ATRNL1: variants seen among roughly 807,000 people sequenced by gnomAD.
The protein encoded by ATRNL1 is attractin-like protein 1.
ATRNL1 carries 95 observed loss-of-function variants against 182.7 expected under a neutral mutation model. That is an observed-to-expected ratio of 0.52 (90% CI 0.44 to 0.62). The LOEUF (loss-of-function observed/expected upper bound fraction) is 0.62, where lower values mean the gene tolerates loss of function less well. ATRNL1 is among the 20% of genes least tolerant of loss of function. The pLI, the probability that ATRNL1 is intolerant of heterozygous loss-of-function variation, is 0.00. For missense variants in ATRNL1, 1,471 were observed against 1,679.5 expected (o/e 0.88, Z 2.17); for synonymous variants, 576 against 568.3 (o/e 1.01, Z -0.19).
At chr10:115,110,591 T>C (rs1554867656) in intron 1 of ATRNL1, among the ~76,000 whole-genome samples, 1 of 152,188 alleles carries the variant, frequency 6.6e-6, no homozygotes, top group Non-Finnish European at 1.5e-5. Context: ...TATAGGGACT[T>C]CTGTCCTATA....
chr10:115,878,754 A>G (rs972529274), intron 28 of ATRNL1, among the ~76,000 whole-genome samples: 12 of 152,232 alleles, frequency 7.9e-5, no homozygotes, highest in African/African-American at 2.9e-4. Context: ...CGTTAATACC[A>G]TGTAATACTA....
chr10:115,191,546 G>A (rs1187520742), intron 8 of ATRNL1, among the ~76,000 whole-genome samples: 2 of 151,968 alleles, frequency 1.3e-5, no homozygotes, highest in African/African-American at 4.8e-5. Context: ...CAATTGAATT[G>A]TAATCCCCAT....
At chr10:115,529,513 A>T (rs1366519780) in intron 25 of ATRNL1, among the ~76,000 whole-genome samples, 6 of 129,312 alleles carry the variant, frequency 4.6e-5, no homozygotes, top group Admixed American at 1.5e-4. Context: ...GCTTCTTATT[A>T]ATTGAATGAG....
At chr10:115,763,605 G>C (rs1419118268) in intron 27 of ATRNL1, among the ~76,000 whole-genome samples, 1 of 152,134 alleles carries the variant, frequency 6.6e-6, no homozygotes, top group Non-Finnish European at 1.5e-5. Context: ...TGGGCACAAA[G>C]ATTCTGAATT....
At chr10:115,355,532 A>G (rs1429969668) in intron 19 of ATRNL1, among the ~76,000 whole-genome samples, 2 of 152,106 alleles carry the variant, frequency 1.3e-5, no homozygotes, top group African/African-American at 4.8e-5. Context: ...GAGTTGGGGA[A>G]CGGGTGGCAT....
At chr10:115,689,635 C>A (rs945584930) in intron 26 of ATRNL1, among the ~76,000 whole-genome samples, 3 of 152,138 alleles carry the variant, frequency 2.0e-5, no homozygotes, top group Non-Finnish European at 4.4e-5. Flanking sequence ...TAGGTGGCTG[C>A]TTGCTTGGAT....
intron 15 of ATRNL1, among the ~76,000 whole-genome samples, chr10:115,297,643 T>G (rs1276011854): frequency 8.6e-6 from 1 of 116,804 alleles, no homozygotes; most frequent in Admixed American, 1.0e-4. Flanking sequence ...AGAGTAAGAC[T>G]CCGTCTTAAA....
At chr10:115,879,214 A>G (rs1951767811) in intron 28 of ATRNL1, among the ~76,000 whole-genome samples, 1 of 148,788 alleles carries the variant, frequency 6.7e-6, no homozygotes, top group African/African-American at 2.5e-5. Context: ...GGCTGAAGTT[A>G]GAGAATTGCT....
intron 1 of ATRNL1, among the ~76,000 whole-genome samples, chr10:115,109,887 A>T (rs900432959): frequency 6.6e-6 from 1 of 152,192 alleles, no homozygotes; most frequent in Admixed American, 6.5e-5. Flanking sequence ...TATGTTTAGC[A>T]TATTTAGAGA....
At chr10:115,131,396 G>T (rs903318364) in intron 5 of ATRNL1, among the ~76,000 whole-genome samples, 5 of 152,016 alleles carry the variant, frequency 3.3e-5, no homozygotes, top group Admixed American at 3.3e-4. Context: ...GTTTGAAGGA[G>T]GCCTTGTAAA....
At chr10:115,161,096 T>C (rs1453482680) in intron 6 of ATRNL1, among the ~76,000 whole-genome samples, 2 of 152,110 alleles carry the variant, frequency 1.3e-5, no homozygotes, top group South Asian at 2.1e-4. Context: ...AACAAAAAAT[T>C]GTTTGTTGTT....
At chr10:115,925,049 G>A (rs1953182120) in intron 28 of ATRNL1, among the ~76,000 whole-genome samples, 1 of 152,056 alleles carries the variant, frequency 6.6e-6, no homozygotes, top group Non-Finnish European at 1.5e-5. Flanking sequence ...CCCCCTGCTT[G>A]TCTGTTGTTG....
chr10:115,425,146 T>A (rs1213984893), intron 20 of ATRNL1, among the ~76,000 whole-genome samples: 1 of 152,044 alleles, frequency 6.6e-6, no homozygotes, highest in Admixed American at 6.6e-5. Context: ...GCATTGGGAA[T>A]GTAATCTGAT....
intron 27 of ATRNL1, among the ~76,000 whole-genome samples, chr10:115,771,045 T>G (rs1233860605): frequency 6.6e-6 from 1 of 152,100 alleles, no homozygotes; most frequent in Admixed American, 6.6e-5. Flanking sequence ...ACGTCAAATG[T>G]AGAAATTGAA....
At chr10:115,177,906 T>C (rs1554887078) in intron 8 of ATRNL1, among the ~76,000 whole-genome samples, 2 of 139,222 alleles carry the variant, frequency 1.4e-5, no homozygotes, top group East Asian at 2.0e-4. Flanking sequence ...TTTTTTTGTT[T>C]TTTTTGTTTT....
chr10:115,250,298 G>C (rs1350094967), intron 10 of ATRNL1, among the ~76,000 whole-genome samples: 1 of 152,252 alleles, frequency 6.6e-6, no homozygotes, highest in Non-Finnish European at 1.5e-5. Context: ...TCTGGACCCA[G>C]TGGCATGGCA....
At position 115,171,068 on chromosome 10, in the gene ATRNL1, A is replaced by G; in HGVS notation, c.1124A>G (p.Glu375Gly). ...ENIFMYGGRI[E>G]TNDGNVTDEL... Reference sequence around the variant, plus strand: ...ATCTTTATGTATGGAGGCAGAATTGAAACAAATGATGGCAATGTCACAGAT... The same window carrying G: ...ATCTTTATGTATGGAGGCAGAATTGGAACAAATGATGGCAATGTCACAGAT... The change falls in exon 8 of 29, where the codon GAA (glutamate) becomes GGA (glycine). Residue 375 changes from glutamate (E) to glycine (G), a missense_variant. Glu to Gly is a moderately conservative substitution (Grantham distance 98). Around this residue, in one of 3 missense-constraint regions of ATRNL1, gnomAD observed 1,031 missense variants for 1,156.0 expected, o/e 0.89. Coordinates refer to ENST00000355044, the MANE Select transcript of ATRNL1 (RefSeq NM_207303.4). The G allele has an allele frequency of 6.3e-7, 1 of 1,578,506 alleles. No homozygotes were observed.
chr10:115,495,702 T>TG (rs557758855), intron 24 of ATRNL1, among the ~76,000 whole-genome samples: 1 of 20,828 alleles, frequency 4.8e-5, no homozygotes, highest in Non-Finnish European at 2.0e-4. Context: ...ATGATTTCAG[T>TG]TTTTTTTTTT....
intron 27 of ATRNL1, among the ~76,000 whole-genome samples, chr10:115,736,425 A>G (rs1445141629): frequency 1.3e-5 from 2 of 151,986 alleles, no homozygotes; most frequent in African/African-American, 2.4e-5. Context: ...ACAGTTTTTG[A>G]AAGTCTCTTC....
Sources: allele counts gnomAD v4.1 joint callset (sites outside exome capture counted in the v4.1 genomes callset), GRCh38; gene constraint gnomAD v4.1.1; regional missense constraint gnomAD v4.1.1; transcripts MANE v1.5; gene names NCBI Gene and HGNC (gene_info 2026-07-23, HGNC 2026-07-21).